NME9: variants seen among roughly 807,000 people sequenced by gnomAD.
NME9 encodes the protein thioredoxin domain-containing protein 6.
In NME9, 48 loss-of-function variants were observed where a neutral mutation model predicts 44.4. The observed-to-expected ratio is 1.08, with a 90% CI of 0.86 to 1.37. NME9 has a LOEUF of 1.37. Among genes scored for constraint, NME9 ranks in the 40% most tolerant of loss-of-function variants. NME9 has a pLI of 0.00. For synonymous variants in NME9, 139 were observed against 147.1 expected (o/e 0.94, Z 0.40); for missense variants, 325 against 405.2 (o/e 0.80, Z 1.70).
At chr3:138,263,929 C>A in intron 8 of NME9, 1 of 1,135,062 alleles carries the variant, frequency 8.8e-7, no homozygotes, top group Non-Finnish European at 1.3e-6. Context: ...CCTCAAAAAT[C>A]TGCTCAGGTG....
chr3:138,264,054 T>C, intron 8 of NME9: 1 of 1,362,986 alleles, frequency 7.3e-7, no homozygotes. Flanking sequence ...CATTAGTCAT[T>C]GTAAAATGCC....
chr3:138,306,190 G>T (rs2052245912), intron 7 of NME9, 94 bp from the exon 8 acceptor site: 1 of 1,003,072 alleles, frequency 1.0e-6, no homozygotes, highest in Non-Finnish European at 1.6e-6. Flanking sequence ...ATAAAGACAG[G>T]CAACATTAAA....
chr3:138,286,544 C>T (rs1297073961), intron 8 of NME9, among the ~76,000 whole-genome samples: 1 of 152,206 alleles, frequency 6.6e-6, no homozygotes, highest in East Asian at 1.9e-4. Context: ...TTCTCTTCTA[C>T]ACGTGCTCTC....
chr3:138,263,988 C>A, intron 8 of NME9: 1 of 948,884 alleles, frequency 1.1e-6, no homozygotes. Context: ...GGCCTCCAAA[C>A]CCCATAAAGT....
chr3:138,285,608 T>G (rs992198170), intron 8 of NME9, among the ~76,000 whole-genome samples: 11 of 152,224 alleles, frequency 7.2e-5, no homozygotes, highest in Admixed American at 7.2e-4. Context: ...TTATAGATTA[T>G]TCCTCATTAC....
downstream of NME9, chr3:138,300,959 G>T: frequency 3.1e-6 from 2 of 650,592 alleles, no homozygotes; most frequent in Non-Finnish European, 1.9e-6. Flanking sequence ...TTGCTGCACT[G>T]TTTTCAAGCT....
At chr3:138,290,655 A>C in intron 8 of NME9, 1 of 1,556,912 alleles carries the variant, frequency 6.4e-7, no homozygotes, top group Admixed American at 1.8e-5. Context: ...TATGAATGTG[A>C]AAAGGCCTTG....
intron 8 of NME9, among the ~76,000 whole-genome samples, chr3:138,289,997 G>C (rs1025036962): frequency 1.3e-5 from 2 of 152,176 alleles, no homozygotes; most frequent in Non-Finnish European, 2.9e-5. Flanking sequence ...CGTACCACTT[G>C]TGTACTGGGG....
At chr3:138,263,678 C>T in intron 8 of NME9, 1 of 1,350,410 alleles carries the variant, frequency 7.4e-7, no homozygotes. Context: ...CTTGCATTTA[C>T]AAGCAGTGAA....
At position 138,328,709 on chromosome 3, in the gene NME9, G is replaced by C. The variant is rs1041011013; in HGVS notation, c.33+594C>G. Reference sequence around the variant, plus strand: ...AGAATCAACCACTATCTATTGTCCAGGACCAAGAAGAAGAGCAGCTGCTGG... The same window carrying C: ...AGAATCAACCACTATCTATTGTCCACGACCAAGAAGAAGAGCAGCTGCTGG... On this transcript the variant is annotated intron_variant, in intron 1 of 10. Coordinates refer to ENST00000333911, the MANE Select transcript of NME9 (RefSeq NM_001349018.2). 2.1e-4 allele frequency among the ~76,000 whole-genome samples: 32 copies of C among 152,260 alleles called. 1 individual carries two copies. Among genetic ancestry groups the C allele is most frequent in the African/African-American group, 7.2e-4 (30 of 41,548 alleles).
rs2048259330 is a variant in NME9 at position 138,266,069 on chromosome 3, G to A, written c.746-3483C>T. ...CTTATGAGGCCTATCAGAACAGTAT[G>A]TTTCTTTAACAACTTATTTTCAGTG... On this transcript the variant is annotated intron_variant, in intron 8 of 8. Coordinates refer to the NME9 transcript ENST00000317876. 2.0e-5 allele frequency among the ~76,000 whole-genome samples: 3 copies of A among 152,262 alleles called. No individual in the cohort carries two copies. In the East Asian group the frequency reaches 5.8e-4, roughly 29 times the overall value.
chr3:138,266,782 A>G (rs2048325213), intron 8 of NME9, among the ~76,000 whole-genome samples: 1 of 152,160 alleles, frequency 6.6e-6, no homozygotes, highest in African/African-American at 2.4e-5. Flanking sequence ...GTCAGGCTGT[A>G]GGACCATTCT....
At chr3:138,287,541 G>T in intron 8 of NME9, 2 of 414,082 alleles carry the variant, frequency 4.8e-6, no homozygotes, top group South Asian at 3.5e-5. Flanking sequence ...ATGCATATTT[G>T]TTATAGTATA....
Position 138,329,307 on chromosome 3 carries a change from A to AG in NME9, c.28dup (p.Leu10ProfsTer24). On this transcript the variant is annotated frameshift_variant, in exon 1 of 11. Coordinates refer to ENST00000333911, the MANE Select transcript of NME9 (RefSeq NM_001349018.2). LOFTEE classifies it high-confidence loss of function. ...CTAGCGCCCCTTGAGGCTTACCTGC[A>AG]GGGCAATTTCCTTCTTCCTGCTGCC... 1 of 1,536,048 alleles carries AG rather than the reference A, an allele frequency of 6.5e-7. No homozygotes were observed. Among genetic ancestry groups the AG allele is most frequent in the Non-Finnish European group, 8.7e-7 (1 of 1,146,840 alleles).
At chr3:138,262,990 G>A (rs1456021314) in intron 8 of NME9, among the ~76,000 whole-genome samples, 2 of 152,172 alleles carry the variant, frequency 1.3e-5, no homozygotes. Context: ...AACATGCTTA[G>A]CACAGTGCTT....
At chr3:138,291,405 T>C (rs1455614561) in intron 8 of NME9, among the ~76,000 whole-genome samples, 1 of 152,240 alleles carries the variant, frequency 6.6e-6, no homozygotes, top group Non-Finnish European at 1.5e-5. Context: ...TCTACTTTGC[T>C]ATCCCAGTCT....
At position 138,295,801 on chromosome 3, in the gene NME9, GT is replaced by G. The variant is rs2051435912; in HGVS notation, c.745+7705del. ...CCAGCTATCATCATTGAACCATAGG[GT>G]TTTTTACCCCAATTACAATTCTGAG... On this transcript the variant is annotated intron_variant, in intron 8 of 8. Transcript: ENST00000317876. 4.4e-6 allele frequency: 7 copies of G among 1,590,112 alleles called. No homozygotes were observed. The Admixed American group carries it at 1.2e-4, about 27-fold the overall frequency.
chr3:138,309,423 G>A (rs558967572), intron 6 of NME9, among the ~76,000 whole-genome samples: 122 of 152,312 alleles, frequency 8.0e-4, no homozygotes, highest in African/African-American at 2.7e-3. Context: ...AGTGGCTCAC[G>A]CCTATAATCC....
chr3:138,269,511 A>G (rs145726750), intron 8 of NME9, among the ~76,000 whole-genome samples: 110 of 152,314 alleles, frequency 7.2e-4, no homozygotes, highest in African/African-American at 2.5e-3. Flanking sequence ...AAAATATCCT[A>G]AAAGATAAAT....
Sources: gnomAD v4.1 joint callset for allele counts (sites outside exome capture counted in the v4.1 genomes callset) on GRCh38, gnomAD v4.1.1 for gene constraint, MANE v1.5 for transcripts, NCBI Gene and HGNC (gene_info 2026-07-23, HGNC 2026-07-21) for gene names.